Variants in AHI1 observed in about 807,000 individuals in gnomAD.
AHI1 encodes the protein jouberin.
Under a neutral mutation model 149.3 loss-of-function variants are expected in AHI1, and 123 were observed. The ratio of observed to expected loss-of-function variants is 0.82; its 90% CI spans 0.71 to 0.96. AHI1 has a LOEUF of 0.96. AHI1 is among the 40% of genes least tolerant of loss of function. The probability of loss-of-function intolerance (pLI) is 0.00; values close to 1 mark genes in which losing one functional copy is unlikely to be tolerated. For synonymous variants in AHI1, 475 were observed against 459.8 expected, an observed-to-expected ratio of 1.03 and a Z score of -0.42; for missense variants, 1,439 against 1,422.7, an observed-to-expected ratio of 1.01 and a Z score of -0.18.
intron 24 of AHI1, among the ~76,000 whole-genome samples, chr6:135,338,459 T>C (rs1789764545): frequency 6.6e-6 from 1 of 152,178 alleles, no homozygotes; most frequent in Admixed American, 6.5e-5. Context: ...AAATAGAAAG[T>C]AGCAAATAGA....
In AHI1 at chr6:135,463,391, T is replaced by C. The variant is rs74538108; in HGVS notation, c.750-85A>G. On this transcript the variant is annotated intron_variant, in intron 7 of 28. Coordinates refer to ENST00000265602, the MANE Select transcript of AHI1 (RefSeq NM_001134831.2). ...ATGATGCAACAGAGTGAACAGTAAA[T>C]AGGAGCAAAGATAATCCTAAAATCA... 5.6e-5 allele frequency: 64 copies of C among 1,143,528 alleles called. No homozygotes were observed. The East Asian group carries it at 1.3e-3, about 23-fold the overall frequency. 70.8% of individuals were successfully genotyped at this position (1,143,528 alleles called of 1,614,324 possible). A position where few individuals can be genotyped will look rare whatever the true frequency, so the allele number is the denominator to read the frequency against.
intron 5 of AHI1, among the ~76,000 whole-genome samples, chr6:135,476,146 T>C (rs1792589664): frequency 6.6e-6 from 1 of 152,194 alleles, no homozygotes. Context: ...TTTGATATGC[T>C]GTAATTTCAT....
chr6:135,396,385 GA>G (rs751824162), intron 22 of AHI1, among the ~76,000 whole-genome samples: 1 of 151,670 alleles, frequency 6.6e-6, no homozygotes, highest in Non-Finnish European at 1.5e-5. Flanking sequence ...ACTTCAATGC[GA>G]ATGTGCCAGG....
intron 3 of AHI1, chr6:135,495,397 C>T (rs955014598): frequency 6.6e-6 from 1 of 152,250 alleles, no homozygotes. Context: ...CAGGCCTTCA[C>T]GTGTGCCAAG....
chr6:135,432,917 C>A, intron 16 of AHI1, 110 bp downstream of exon 16: 2 of 759,536 alleles, frequency 2.6e-6, no homozygotes, highest in South Asian at 3.6e-5. Context: ...AAGCATAAAC[C>A]TAAATATGCG....
intron 23 of AHI1, among the ~76,000 whole-genome samples, chr6:135,369,031 C>A (rs544423148): frequency 2.3e-4 from 35 of 152,360 alleles, no homozygotes; most frequent in African/African-American, 8.4e-4. Flanking sequence ...TCCCCAAGGA[C>A]TCCTGCAAGA....
At chr6:135,423,254 C>T (rs2127998278) in intron 20 of AHI1, among the ~76,000 whole-genome samples, 1 of 152,150 alleles carries the variant, frequency 6.6e-6, no homozygotes, top group East Asian at 1.9e-4. Context: ...ACTGATGATG[C>T]CTCTCAGCAT....
At chr6:135,344,196 A>C (rs1790807341) in intron 24 of AHI1, among the ~76,000 whole-genome samples, 2 of 151,866 alleles carry the variant, frequency 1.3e-5, no homozygotes, top group South Asian at 4.1e-4. Flanking sequence ...TTATTTTCAA[A>C]TTGTTATTTT....
intron 5 of AHI1, among the ~76,000 whole-genome samples, chr6:135,481,440 A>T (rs1209455050): frequency 6.6e-6 from 1 of 152,154 alleles, no homozygotes; most frequent in Non-Finnish European, 1.5e-5. Context: ...CTAATTTAAA[A>T]TTCAAAATCC....
At chr6:135,319,931 C>T (rs1786548738) in intron 25 of AHI1, among the ~76,000 whole-genome samples, 1 of 152,176 alleles carries the variant, frequency 6.6e-6, no homozygotes, top group African/African-American at 2.4e-5. Context: ...GTGTTGTTCT[C>T]TTAGAGGACA....
rs1487185081 is a variant in AHI1 at position 135,284,463 on chromosome 6, C to T, written c.*1182G>A. On this transcript the variant is annotated 3_prime_UTR_variant, in exon 29 of 29. Transcript: ENST00000265602. ...TTCTTGGGGTTAAATATTTTATCAG[C>T]AGACCTTATCACACACTTGAGAAAG... The T allele has an allele frequency of 6.6e-6, 1 of 151,998 alleles. No individual in the cohort carries two copies. Among genetic ancestry groups the T allele is most frequent in the African/African-American group, 2.4e-5 (1 of 41,396 alleles). 9.4% of individuals were successfully genotyped at this position (151,998 alleles called of 1,614,324 possible).
At chr6:135,318,444 A>C (rs1786300319) in intron 26 of AHI1, 75 bp downstream of exon 26, 3 of 985,060 alleles carry the variant, frequency 3.0e-6, no homozygotes, top group Non-Finnish European at 4.7e-6. Context: ...TAAGCATAAA[A>C]AATAAAGTAA....
chr6:135,426,088 C>T (rs1465319982), intron 20 of AHI1, among the ~76,000 whole-genome samples: 1 of 151,702 alleles, frequency 6.6e-6, no homozygotes, highest in Non-Finnish European at 1.5e-5. Context: ...AGAACTGTTT[C>T]AGGATACATG....
intron 19 of AHI1, 68 bp downstream of exon 19, chr6:135,428,561 A>G: frequency 1.4e-6 from 2 of 1,433,324 alleles, no homozygotes. Flanking sequence ...ATAAAATGGT[A>G]GAATTTTCAC....
At chr6:135,371,663 A>G (rs980041850) in intron 23 of AHI1, among the ~76,000 whole-genome samples, 1 of 151,960 alleles carries the variant, frequency 6.6e-6, no homozygotes, top group Non-Finnish European at 1.5e-5. Flanking sequence ...CATCCTTTCT[A>G]CTCTAGAGAT....
intron 24 of AHI1, among the ~76,000 whole-genome samples, chr6:135,350,104 A>C (rs1198445246): frequency 6.6e-6 from 1 of 152,184 alleles, no homozygotes; most frequent in Non-Finnish European, 1.5e-5. Context: ...CTTTTGGCAA[A>C]ATGCTTTCTT....
At chr6:135,452,928 T>C (rs1788356609) in intron 11 of AHI1, among the ~76,000 whole-genome samples, 1 of 152,186 alleles carries the variant, frequency 6.6e-6, no homozygotes, top group Non-Finnish European at 1.5e-5. Context: ...ACGATATTTA[T>C]AAAAATTTAT....
At chr6:135,340,108 A>C (rs997241059) in intron 24 of AHI1, among the ~76,000 whole-genome samples, 2 of 152,222 alleles carry the variant, frequency 1.3e-5, no homozygotes, top group Non-Finnish European at 2.9e-5. Context: ...GCCGTGGCTC[A>C]CGCCTGTAAT....
At chr6:135,359,197 AG>A (rs1793464468) in intron 23 of AHI1, among the ~76,000 whole-genome samples, 1 of 152,212 alleles carries the variant, frequency 6.6e-6, no homozygotes, top group African/African-American at 2.4e-5. Flanking sequence ...TGAAACATGC[AG>A]TTTTTGTTTC....
Sources: gnomAD v4.1 joint callset for allele counts (sites outside exome capture counted in the v4.1 genomes callset) on GRCh38, gnomAD v4.1.1 for gene constraint, MANE v1.5 for transcripts, NCBI Gene and HGNC (gene_info 2026-07-23, HGNC 2026-07-21) for gene names.